The following PDGFRA variants were observed in gnomAD, a reference collection of about 807,000 sequenced individuals.
PDGFRA encodes platelet derived growth factor receptor alpha.
PDGFRA carries 25 observed loss-of-function variants against 121.5 expected under a neutral mutation model. The observed-to-expected ratio is 0.21, with a 90% confidence interval of 0.15 to 0.29. The LOEUF is 0.29. Ranked by LOEUF, PDGFRA falls within the 10% of genes least tolerant of loss-of-function variation. PDGFRA has a pLI of 1.00. For synonymous variants in PDGFRA, 463 were observed against 494.8 expected, an observed-to-expected ratio of 0.94 and a Z score of 0.85; for missense variants, 1,008 against 1,345.1, an observed-to-expected ratio of 0.75 and a Z score of 3.92.
chr4:54,296,024 A>G lies in PDGFRA; in HGVS notation c.*752A>G, dbSNP rs1724862708. ...CAATTTAAAACAATCCTTACTAAGT[A>G]GGTGATGAGTTTGACAGTTTTTGAC... On this transcript the variant is annotated 3_prime_UTR_variant, in exon 23 of 23. Transcript: ENST00000257290. 4.3e-6 allele frequency: 1 copy of G among 232,548 alleles called. No individual in the cohort carries two copies. The highest frequency in any genetic ancestry group is 5.6e-5 in the Admixed American group (1 of 17,770). 14.4% of individuals were successfully genotyped at this position (232,548 alleles called of 1,614,324 possible). A position where few individuals can be genotyped will look rare whatever the true frequency, so the allele number is the denominator to read the frequency against.
chr4:54,250,366 T>C (rs1326408956), intron 1 of PDGFRA, among the ~76,000 whole-genome samples: 1 of 152,232 alleles, frequency 6.6e-6, no homozygotes, highest in Admixed American at 6.5e-5. Flanking sequence ...TGATTAGTCC[T>C]TCTAGATATT....
chr4:54,293,224 C>G (rs55784333), intron 22 of PDGFRA, among the ~76,000 whole-genome samples: 30,529 of 151,872 alleles, frequency 0.2, 3,754 homozygotes, highest in African/African-American at 0.33. Flanking sequence ...TGATTACATC[C>G]TTGAAGTGTC....
chr4:54,272,313 G>A, intron 8 of PDGFRA, 81 bp from the exon 9 acceptor site: 1 of 1,469,388 alleles, frequency 6.8e-7, no homozygotes, highest in South Asian at 1.1e-5. Context: ...TAGATGAGTT[G>A]TGAACTCATA....
chr4:54,292,977 A>G (rs1343061524), intron 22 of PDGFRA, among the ~76,000 whole-genome samples: 1 of 152,158 alleles, frequency 6.6e-6, no homozygotes, highest in Non-Finnish European at 1.5e-5. Context: ...TCAAACCGCC[A>G]TGACATGTGA....
chr4:54,293,487 G>C (rs571955762), intron 22 of PDGFRA, among the ~76,000 whole-genome samples: 1 of 141,906 alleles, frequency 7.0e-6, no homozygotes, highest in Admixed American at 7.6e-5. Flanking sequence ...CTGGAGTGCA[G>C]TGGTGTGATC....
In PDGFRA at chr4:54,296,483, C is replaced by T. The variant is rs1724890851; in HGVS notation, c.*1211C>T. On this transcript the variant is annotated 3_prime_UTR_variant, in exon 23 of 23. Transcript: ENST00000257290. ...AGGATGCCCAGACATCAGCCTCCTTCTTTCACCCCTTACCCCAAAGAGAAA... is the reference window on the plus strand; with the variant it reads ...AGGATGCCCAGACATCAGCCTCCTTTTTTCACCCCTTACCCCAAAGAGAAA... The T allele has an allele frequency of 1.4e-5, 3 of 220,878 alleles. No homozygotes were observed. The highest frequency in any genetic ancestry group is 2.7e-5 in the Non-Finnish European group (3 of 110,690). 13.7% of individuals were successfully genotyped at this position (220,878 alleles called of 1,614,324 possible).
intron 5 of PDGFRA, 125 bp from the exon 6 acceptor site, chr4:54,267,164 C>A: frequency 5.5e-6 from 5 of 907,990 alleles, no homozygotes; most frequent in Admixed American, 1.7e-5. Context: ...TCCCTACCAT[C>A]CATTTGTTAT....
chr4:54,246,734 A>T (rs1371714394), intron 1 of PDGFRA, among the ~76,000 whole-genome samples: 1 of 151,802 alleles, frequency 6.6e-6, no homozygotes, highest in East Asian at 1.9e-4. Context: ...AACTGAAGGA[A>T]ATAGAGACAC....
intron 15 of PDGFRA, among the ~76,000 whole-genome samples, chr4:54,279,293 A>G (rs1284001738): frequency 1.3e-5 from 2 of 152,188 alleles, no homozygotes; most frequent in Non-Finnish European, 2.9e-5. Flanking sequence ...CTCTGAAAAC[A>G]AGTGAACAGT....
At chr4:54,262,035 G>T (rs562936565) in intron 3 of PDGFRA, among the ~76,000 whole-genome samples, 2 of 150,096 alleles carry the variant, frequency 1.3e-5, no homozygotes, top group Non-Finnish European at 1.5e-5. Context: ...TGGTTCAAGC[G>T]ATTCTCCCAC....
intron 3 of PDGFRA, among the ~76,000 whole-genome samples, chr4:54,262,678 TA>T (rs570547275): frequency 1.4e-4 from 21 of 151,944 alleles, no homozygotes; most frequent in African/African-American, 4.8e-5. Flanking sequence ...TCTTAACAAT[TA>T]AAAAAAACCA....
rs397880252 is a variant in PDGFRA at position 54,261,898 on chromosome 4, C to CAT, written c.367+519_367+520dup. 5.4e-3 allele frequency among the ~76,000 whole-genome samples: 511 copies of CAT among 95,230 alleles called. 8 individuals carry two copies. The highest frequency in any genetic ancestry group is 0.017 in the African/African-American group (417 of 24,586). 62.5% of individuals were successfully genotyped at this position (95,230 alleles called of 152,430 possible). ...TTTCTTTTTCCTTTTAAAAAAGTTA[C>CAT]ATATATATATATATATATATATATA... On this transcript the variant is annotated intron_variant, in intron 3 of 22. Transcript: ENST00000257290.
At chr4:54,269,751 T>C (rs1723235627) in intron 7 of PDGFRA, among the ~76,000 whole-genome samples, 1 of 151,746 alleles carries the variant, frequency 6.6e-6, no homozygotes, top group African/African-American at 2.4e-5. Context: ...CAAGCGATTC[T>C]TCAGCTTCAG....
intron 15 of PDGFRA, among the ~76,000 whole-genome samples, chr4:54,279,902 TTACATATATA>T (rs1364321563): frequency 1.4e-5 from 2 of 147,692 alleles, no homozygotes; most frequent in African/African-American, 5.0e-5. Flanking sequence ...TATAGCTGAG[TTACATATATA>T]TATATATATA....
Position 54,295,568 on chromosome 4 carries a change from C to T in PDGFRA, c.*296C>T, listed in dbSNP as rs1724843411. 35 of 466,192 alleles carry T rather than the reference C, an allele frequency of 7.5e-5. No homozygotes were observed. In the South Asian group the frequency reaches 7.7e-4, roughly 10 times the overall value. The allele number at this position is 466,192 out of a possible 1,614,324, so 28.9% of individuals were successfully genotyped here. ...GAAGGTGAACTTTGTGCTTCAAGGACATTGGTGAGAGTCCAACAGACACAA... is the reference window on the plus strand; with the variant it reads ...GAAGGTGAACTTTGTGCTTCAAGGATATTGGTGAGAGTCCAACAGACACAA... On this transcript the variant is annotated 3_prime_UTR_variant, in exon 23 of 23. Coordinates refer to ENST00000257290, the MANE Select transcript of PDGFRA (RefSeq NM_006206.6).
At chr4:54,235,324 T>C (rs763513645) in intron 1 of PDGFRA, among the ~76,000 whole-genome samples, 2 of 152,186 alleles carry the variant, frequency 1.3e-5, no homozygotes, top group African/African-American at 2.4e-5. Context: ...CACTGTGCAA[T>C]TGGTGATTGA....
intron 3 of PDGFRA, among the ~76,000 whole-genome samples, chr4:54,261,898 C>CATATATATATATAT (rs397880252): frequency 6.3e-5 from 6 of 95,304 alleles, no homozygotes; most frequent in African/African-American, 2.4e-4. Context: ...AAAAAAGTTA[C>CATATATATATATAT]ATATATATAT....
rs1723295850 is a variant in PDGFRA, at chr4:54,270,691, A to C, written c.1180A>C (p.Ile394Leu). 6.2e-7 allele frequency: 1 copy of C among 1,612,212 alleles called. No individual in the cohort carries two copies. Among genetic ancestry groups the C allele is most frequent in the Non-Finnish European group, 8.5e-7 (1 of 1,178,340 alleles). Residue 394 changes from isoleucine (I) to leucine (L), a missense_variant, in exon 8 of 23, where the codon ATT becomes CTT. By Grantham distance (5) the Ile-to-Leu change is conservative (BLOSUM62 2). This residue lies in a region of PDGFRA where 575 missense variants were observed against 701.8 expected (regional missense o/e 0.82). Coordinates refer to ENST00000257290, the MANE Select transcript of PDGFRA (RefSeq NM_006206.6). The stretch of plus-strand genomic sequence containing the variant: ...GGAAGAAGACAGTGGCCATTATACT[A>C]TTGTAGCTCAAAATGAAGATGCTGT... ...AKEEDSGHYT[I>L]VAQNEDAVKS...
intron 16 of PDGFRA, among the ~76,000 whole-genome samples, chr4:54,282,301 C>T (rs1227873687): frequency 1.3e-5 from 2 of 151,942 alleles, no homozygotes; most frequent in Non-Finnish European, 2.9e-5. Flanking sequence ...AATCAAGATA[C>T]TGGTAGATCT....
Sources: gnomAD v4.1 joint callset for allele counts (sites outside exome capture counted in the v4.1 genomes callset) on GRCh38, gnomAD v4.1.1 for gene constraint, gnomAD v4.1.1 regional missense constraint, MANE v1.5 for transcripts, NCBI Gene and HGNC (gene_info 2026-07-23, HGNC 2026-07-21) for gene names.